Variants in VAT1L observed in about 807,000 individuals in gnomAD.
The protein encoded by VAT1L is putative NADPH-dependent quinone oxidoreductase VAT1L.
Under a neutral mutation model 44.1 loss-of-function variants are expected in VAT1L, and 34 were observed. That is an observed-to-expected ratio of 0.77 (90% CI 0.59 to 1.03). The LOEUF is 1.03. Ranked by LOEUF, VAT1L falls within the 50% of genes least tolerant of loss-of-function variation. The pLI is 0.00. For missense variants in VAT1L, 615 were observed against 538.8 expected, an observed-to-expected ratio of 1.14 and a Z score of -1.40; for synonymous variants, 253 against 202.2, an observed-to-expected ratio of 1.25 and a Z score of -2.13.
intron 7 of VAT1L, among the ~76,000 whole-genome samples, chr16:77,894,163 C>T (rs556798146): frequency 2.0e-5 from 3 of 152,314 alleles, no homozygotes; most frequent in East Asian, 1.9e-4. Flanking sequence ...CTACAACCCC[C>T]GCTTTATTCC....
At chr16:77,815,590 G>A (rs2016336650) in intron 1 of VAT1L, among the ~76,000 whole-genome samples, 1 of 152,214 alleles carries the variant, frequency 6.6e-6, no homozygotes, top group South Asian at 2.1e-4. Flanking sequence ...AGACTCATAA[G>A]TGAGACCAGT....
chr16:77,878,546 T>C (rs932725734), intron 5 of VAT1L, among the ~76,000 whole-genome samples: 22 of 149,818 alleles, frequency 1.5e-4, no homozygotes, highest in Non-Finnish European at 2.7e-4. Context: ...CCACCTCCCA[T>C]CTGCCCTCTG....
At chr16:77,877,806 G>A (rs1016770275) in intron 5 of VAT1L, among the ~76,000 whole-genome samples, 1 of 152,146 alleles carries the variant, frequency 6.6e-6, no homozygotes, top group African/African-American at 2.4e-5. Flanking sequence ...CATTGTAACA[G>A]AAAGAAGGCT....
At chr16:77,809,573 G>C (rs1220299764) in intron 1 of VAT1L, among the ~76,000 whole-genome samples, 1 of 152,164 alleles carries the variant, frequency 6.6e-6, no homozygotes, top group Non-Finnish European at 1.5e-5. Flanking sequence ...GCTGGGGCCA[G>C]GATGTGCACT....
At chr16:77,878,921 T>C (rs2017118620) in intron 5 of VAT1L, among the ~76,000 whole-genome samples, 1 of 152,220 alleles carries the variant, frequency 6.6e-6, no homozygotes, top group Non-Finnish European at 1.5e-5. Context: ...TTTTGCTATA[T>C]GCCAAATTTT....
intron 7 of VAT1L, among the ~76,000 whole-genome samples, chr16:77,922,928 G>A (rs951127026): frequency 1.5e-4 from 23 of 152,070 alleles, no homozygotes; most frequent in Non-Finnish European, 1.6e-4. Context: ...CAGATTCCGG[G>A]ACCTCAACCC....
In VAT1L at chr16:77,825,350, C is replaced by T. The variant is rs73574882; in HGVS notation, c.468C>T (p.Ser156=). The T allele has an allele frequency of 2.2e-3, 3,523 of 1,614,158 alleles. 16 individuals are homozygous for T. Among genetic ancestry groups the T allele is most frequent in the African/African-American group, 0.019 (1,458 of 75,046 alleles). The change falls in exon 3 of 9, where the codon TCC becomes TCT. Residue 156 remains serine (S), a synonymous_variant. Transcript: ENST00000302536. ...AGATCCCGGATGACATGAGCTTCTCCGAGGCTGCTGCATTCCCCATGAACT... is the reference window on the plus strand; with the variant it reads ...AGATCCCGGATGACATGAGCTTCTCTGAGGCTGCTGCATTCCCCATGAACT... ...VYKIPDDMSF[S]EAAAFPMNFV...
intron 7 of VAT1L, among the ~76,000 whole-genome samples, chr16:77,955,708 G>A (rs1300550731): frequency 2.8e-5 from 4 of 144,778 alleles, no homozygotes; most frequent in Non-Finnish European, 6.0e-5. Flanking sequence ...CTGGGTGACA[G>A]AGGCTCCATA....
At chr16:77,841,241 C>T (rs1023848181) in intron 3 of VAT1L, among the ~76,000 whole-genome samples, 1 of 152,120 alleles carries the variant, frequency 6.6e-6, no homozygotes, top group African/African-American at 2.4e-5. Flanking sequence ...CCACCATACC[C>T]AGCTAATGTT....
intron 7 of VAT1L, among the ~76,000 whole-genome samples, chr16:77,937,595 T>C (rs2017818247): frequency 6.6e-6 from 1 of 152,244 alleles, no homozygotes; most frequent in Non-Finnish European, 1.5e-5. Context: ...TGCTTGAGGC[T>C]AGAAAGGGAG....
At chr16:77,957,411 T>G (rs2142530644) in intron 7 of VAT1L, among the ~76,000 whole-genome samples, 1 of 152,284 alleles carries the variant, frequency 6.6e-6, no homozygotes, top group Middle Eastern at 3.4e-3. Flanking sequence ...GTTGAAAGAT[T>G]CAAAGCCAAA....
chr16:77,910,850 G>T (rs552781433), intron 7 of VAT1L, among the ~76,000 whole-genome samples: 4 of 152,246 alleles, frequency 2.6e-5, no homozygotes, highest in African/African-American at 9.6e-5. Flanking sequence ...TTCAGTATGT[G>T]CTATATGCCA....
chr16:77,807,978 C>T (rs190875894), intron 1 of VAT1L, among the ~76,000 whole-genome samples: 1 of 152,172 alleles, frequency 6.6e-6, no homozygotes, highest in Admixed American at 6.5e-5. Context: ...TGTACATTAG[C>T]ATGTGCCATG....
At chr16:77,903,971 T>C (rs2017412333) in intron 7 of VAT1L, among the ~76,000 whole-genome samples, 1 of 151,924 alleles carries the variant, frequency 6.6e-6, no homozygotes, top group Non-Finnish European at 1.5e-5. Flanking sequence ...CTCATGACCT[T>C]GTGATCCGCT....
chr16:77,932,204 G>A (rs2017739623), intron 7 of VAT1L, among the ~76,000 whole-genome samples: 3 of 149,402 alleles, frequency 2.0e-5, no homozygotes, highest in Non-Finnish European at 3.0e-5. Flanking sequence ...CCTGGGTTCA[G>A]GCCATTCTCC....
intron 7 of VAT1L, among the ~76,000 whole-genome samples, chr16:77,932,020 G>C (rs941600441): frequency 2.6e-5 from 4 of 151,998 alleles, no homozygotes. Context: ...CCACGCCTGA[G>C]CATTTAGTTC....
intron 7 of VAT1L, among the ~76,000 whole-genome samples, chr16:77,916,722 T>C (rs1341669110): frequency 1.3e-5 from 2 of 152,002 alleles, no homozygotes; most frequent in African/African-American, 4.8e-5. Context: ...AAAGAATCTA[T>C]GCTGGAATCG....
chr16:77,844,286 A>G (rs1049124671), intron 3 of VAT1L, among the ~76,000 whole-genome samples: 1 of 152,236 alleles, frequency 6.6e-6, no homozygotes, highest in African/African-American at 2.4e-5. Flanking sequence ...ACAATATAGT[A>G]TAACAGCTTG....
intron 7 of VAT1L, among the ~76,000 whole-genome samples, chr16:77,913,910 G>C (rs1253281419): frequency 6.6e-6 from 1 of 152,152 alleles, no homozygotes; most frequent in East Asian, 1.9e-4. Context: ...GGATATGCAG[G>C]GCTCCCTCTT....
Sources: gnomAD v4.1 joint callset for allele counts (sites outside exome capture counted in the v4.1 genomes callset) on GRCh38, gnomAD v4.1.1 for gene constraint, MANE v1.5 for transcripts, NCBI Gene and HGNC (gene_info 2026-07-23, HGNC 2026-07-21) for gene names.